NISCH: variants seen among roughly 807,000 people sequenced by gnomAD.
NISCH encodes I-1 receptor candidate protein.
In NISCH, 55 loss-of-function variants were observed where a neutral mutation model predicts 138.4. The observed-to-expected ratio is 0.40, with a 90% CI of 0.32 to 0.50. The LOEUF is 0.50. NISCH is among the 20% of genes least tolerant of loss of function. NISCH has a pLI of 0.71. For missense variants in NISCH, 1,643 were observed against 2,005.5 expected, an observed-to-expected ratio of 0.82 and a Z score of 3.45; for synonymous variants, 860 against 861.5, an observed-to-expected ratio of 1.00 and a Z score of 0.03.
chr3:52,480,071 C>A, intron 12 of NISCH, 113 bp from the exon 13 acceptor site: 2 of 1,222,350 alleles, frequency 1.6e-6, no homozygotes, highest in Non-Finnish European at 2.4e-6. Context: ...ATGATGAGAC[C>A]ATCTTTACCA....
At chr3:52,461,197 C>T (rs1706622306) in intron 3 of NISCH, among the ~76,000 whole-genome samples, 1 of 152,188 alleles carries the variant, frequency 6.6e-6, no homozygotes, top group South Asian at 2.1e-4. Context: ...GAGGTTATGC[C>T]ACTGCACTTC....
intron 3 of NISCH, among the ~76,000 whole-genome samples, chr3:52,463,872 C>T (rs1270868258): frequency 7.9e-5 from 12 of 151,278 alleles, no homozygotes; most frequent in African/African-American, 2.7e-4. Flanking sequence ...TACAGGCGTG[C>T]ACCACCACGC....
In NISCH at chr3:52,455,747, C is replaced by T. The variant is rs757795324; in HGVS notation, c.93+13C>T. On this transcript the variant is annotated intron_variant, in intron 1 of 20. Transcript: ENST00000345716. ...GGACACTTATACGGTGTGTTGGGGG[C>T]GCGGGCACCCGAAGCGGGGGTGGTG... is the stretch of plus-strand genomic sequence containing the variant. 1.3e-5 allele frequency: 18 copies of T among 1,343,042 alleles called. No individual in the cohort carries two copies. The highest frequency in any genetic ancestry group is 8.4e-5 in the East Asian group (3 of 35,564). 83.2% of individuals were successfully genotyped at this position (1,343,042 alleles called of 1,614,324 possible).
At chr3:52,466,307 T>C (rs1337640142) in intron 3 of NISCH, among the ~76,000 whole-genome samples, 2 of 152,144 alleles carry the variant, frequency 1.3e-5, no homozygotes, top group East Asian at 3.9e-4. Flanking sequence ...GACTCACGCC[T>C]GTAATCCCAG....
intron 6 of NISCH, among the ~76,000 whole-genome samples, chr3:52,472,853 G>C (rs1410050503): frequency 6.6e-6 from 1 of 152,218 alleles, no homozygotes; most frequent in Non-Finnish European, 1.5e-5. Flanking sequence ...GGACTCTTTG[G>C]TTTGCGATGC....
In NISCH at chr3:52,455,675, G is replaced by T; in HGVS notation, c.34G>T (p.Glu12Ter). The T allele has an allele frequency of 7.3e-7, 1 of 1,360,590 alleles. No individual in the cohort carries two copies. The allele number at this position is 1,360,590 out of a possible 1,614,324, so 84.3% of individuals were successfully genotyped here. The change falls in exon 1 of 21, where the codon GAA (glutamate) becomes TAA (stop). Residue 12 changes from glutamate (E) to a stop codon, truncating the protein, a stop_gained. Coordinates refer to ENST00000345716, the MANE Select transcript of NISCH (RefSeq NM_007184.4). LOFTEE classifies it high-confidence loss of function. ...ATARTFGPER[E>*]AEPAKEARVV... Reference sequence around the variant, plus strand: ...CGCGCGCACCTTCGGGCCCGAGCGGGAAGCCGAGCCGGCCAAGGAAGCGCG... The same window carrying T: ...CGCGCGCACCTTCGGGCCCGAGCGGTAAGCCGAGCCGGCCAAGGAAGCGCG...
intron 5 of NISCH, among the ~76,000 whole-genome samples, 153 bp from the exon 6 acceptor site, chr3:52,472,150 G>A (rs1203171205): frequency 1.3e-5 from 2 of 152,154 alleles, no homozygotes; most frequent in East Asian, 1.9e-4. Context: ...GGGGGCGGTC[G>A]TGACCCAGTG....
In NISCH at chr3:52,492,067, C is replaced by G. The variant is rs762316589; in HGVS notation, c.4100C>G (p.Pro1367Arg). Reference protein sequence around the residue: ...GMPPPGCCRGPLRPKTLLLTS... With the variant: ...GMPPPGCCRGRLRPKTLLLTS... Reference sequence around the variant, plus strand: ...CCACCCCCTGGGTGCTGCAGGGGCCCCCTGCGCCCCAAGACACTCCTGCTC... The same window carrying G: ...CCACCCCCTGGGTGCTGCAGGGGCCGCCTGCGCCCCAAGACACTCCTGCTC... The change falls in exon 21 of 21, where the codon CCC becomes CGC. Residue 1367 changes from proline to arginine, a missense_variant. Physicochemically the swap from Pro to Arg is moderately radical, Grantham distance 103. Coordinates refer to ENST00000345716, the MANE Select transcript of NISCH (RefSeq NM_007184.4). 8 of 1,613,118 alleles carry G rather than the reference C, an allele frequency of 5.0e-6. No homozygotes were observed. In the South Asian group the frequency reaches 8.8e-5, roughly 18 times the overall value.
chr3:52,484,462 T>TTGGCCGCC, intron 13 of NISCH, 51 bp from the exon 14 acceptor site: 7 of 788,668 alleles, frequency 8.9e-6, no homozygotes, highest in Non-Finnish European at 1.1e-5. Flanking sequence ...ACAGCCGCTC[T>TTGGCCGCC]CCCCGCCCCA....
chr3:52,473,423 C>T (rs1707005193), intron 6 of NISCH, among the ~76,000 whole-genome samples: 1 of 152,140 alleles, frequency 6.6e-6, no homozygotes, highest in African/African-American at 2.4e-5. Context: ...CTTGTTCTCC[C>T]CAGCAGTTTC....
intron 3 of NISCH, among the ~76,000 whole-genome samples, chr3:52,470,219 G>A (rs1181957040): frequency 2.0e-5 from 3 of 152,184 alleles, no homozygotes; most frequent in Admixed American, 2.0e-4. Context: ...GTATGACTGG[G>A]GGCTTGGCCT....
intron 15 of NISCH, among the ~76,000 whole-genome samples, chr3:52,486,070 G>C (rs1389204160): frequency 6.6e-6 from 1 of 152,220 alleles, no homozygotes; most frequent in Non-Finnish European, 1.5e-5. Context: ...ATCAAGGCCT[G>C]TGTGTGGCCC....
chr3:52,487,147 G>GGGAGGGGCCCCTCC lies in NISCH; in HGVS notation c.1704-48_1704-35dup, dbSNP rs1707420315. 5 of 1,565,654 alleles carry GGGAGGGGCCCCTCC rather than the reference G, an allele frequency of 3.2e-6. No homozygotes were observed. Among genetic ancestry groups the GGGAGGGGCCCCTCC allele is most frequent in the Non-Finnish European group, 3.5e-6 (4 of 1,153,584 alleles). On this transcript the variant is annotated intron_variant, in intron 15 of 20. Coordinates refer to ENST00000345716, the MANE Select transcript of NISCH (RefSeq NM_007184.4). This position sits in a 1 kb window ranked among gnomAD's most constrained non-coding sequence, Gnocchi z 9.1. ...GCTCCAGATGTGGCAGGTGGGAGGT[G>GGGAGGGGCCCCTCC]GGAGGGGCCCCTCCCAGCATGCCAC...
intron 13 of NISCH, among the ~76,000 whole-genome samples, chr3:52,482,341 C>T (rs941110115): frequency 6.6e-6 from 1 of 152,216 alleles, no homozygotes; most frequent in Non-Finnish European, 1.5e-5. Context: ...AACACCCAGC[C>T]TCCCGTCGTG....
intron 14 of NISCH, 99 bp downstream of exon 14, chr3:52,484,736 C>A: frequency 1.4e-6 from 2 of 1,396,674 alleles, no homozygotes; most frequent in Non-Finnish European, 2.0e-6. Context: ...GGAGCTGAGG[C>A]AGATGCTTCC....
chr3:52,468,947 C>G lies in NISCH; in HGVS notation c.361-1912C>G, dbSNP rs146139662. Among the ~76,000 whole-genome samples the G allele has an allele frequency of 3.5e-3, 532 of 152,208 alleles. 4 individuals are homozygous for G. Among genetic ancestry groups the G allele is most frequent in the South Asian group, 0.019 (91 of 4,820 alleles). The stretch of plus-strand genomic sequence containing the variant: ...TAAACAATGTAAAAATGAAAAACCT[C>G]TGTCAGAAAAAGCACCATGAACAAA... On this transcript the variant is annotated intron_variant, in intron 3 of 20. Transcript: ENST00000345716.
chr3:52,462,411 G>A (rs1706660682), intron 3 of NISCH, among the ~76,000 whole-genome samples: 1 of 152,178 alleles, frequency 6.6e-6, no homozygotes, highest in Non-Finnish European at 1.5e-5. Flanking sequence ...CCCACTGGGG[G>A]GCAAAATTGC....
At chr3:52,474,370 C>G (rs1188747459) in intron 7 of NISCH, among the ~76,000 whole-genome samples, 1 of 152,080 alleles carries the variant, frequency 6.6e-6, no homozygotes, top group African/African-American at 2.4e-5. Context: ...GATCTTGGCT[C>G]ACTGCAAGCT....
chr3:52,461,599 C>CA (rs1404848789), intron 3 of NISCH, among the ~76,000 whole-genome samples: 1 of 152,196 alleles, frequency 6.6e-6, no homozygotes, highest in Admixed American at 6.5e-5. Flanking sequence ...CGCAGTGGCT[C>CA]ACGCCTGTAA....
Sources: gnomAD v4.1 joint callset for allele counts (sites outside exome capture counted in the v4.1 genomes callset) on GRCh38, gnomAD v4.1.1 for gene constraint, Gnocchi (gnomAD v3.1) non-coding constraint, MANE v1.5 for transcripts, NCBI Gene and HGNC (gene_info 2026-07-23, HGNC 2026-07-21) for gene names.